The following FBXL7 variants were observed in gnomAD, a reference collection of about 807,000 sequenced individuals.
The protein encoded by FBXL7 is F-box and leucine rich repeat protein 7.
In FBXL7, 12 loss-of-function variants were observed where a neutral mutation model predicts 38.3. The ratio of observed to expected loss-of-function variants is 0.31; its 90% CI spans 0.20 to 0.51. The LOEUF (loss-of-function observed/expected upper bound fraction) is 0.51, where lower values mean the gene tolerates loss of function less well. Ranked by LOEUF, FBXL7 falls within the 20% of genes least tolerant of loss-of-function variation. The pLI is 0.98. For missense variants in FBXL7, 567 were observed against 676.4 expected, an observed-to-expected ratio of 0.84 and a Z score of 1.79; for synonymous variants, 297 against 300.9, an observed-to-expected ratio of 0.99 and a Z score of 0.13.
At chr5:15,877,288 C>T (rs921518978) in intron 2 of FBXL7, among the ~76,000 whole-genome samples, 11 of 152,156 alleles carry the variant, frequency 7.2e-5, no homozygotes, top group African/African-American at 2.4e-4. Context: ...ATGAATGAGC[C>T]TATTTGAGAA....
chr5:15,740,092 G>A (rs542608365), intron 2 of FBXL7, among the ~76,000 whole-genome samples: 1 of 152,276 alleles, frequency 6.6e-6, no homozygotes, highest in African/African-American at 2.4e-5. Flanking sequence ...TGGGTGTAAA[G>A]TGGTATCTCA....
At chr5:15,920,499 A>C (rs1741711220) in intron 2 of FBXL7, among the ~76,000 whole-genome samples, 1 of 151,732 alleles carries the variant, frequency 6.6e-6, no homozygotes, top group Admixed American at 6.6e-5. Context: ...TGCAGACATC[A>C]ATGTGGGTTT....
intron 1 of FBXL7, among the ~76,000 whole-genome samples, chr5:15,534,623 C>A (rs1183470531): frequency 6.6e-6 from 1 of 152,160 alleles, no homozygotes; most frequent in African/African-American, 2.4e-5. Context: ...GTTATAAAAT[C>A]TGTGTGCAGA....
intron 2 of FBXL7, among the ~76,000 whole-genome samples, chr5:15,793,915 T>G (rs1737345359): frequency 6.6e-6 from 1 of 152,208 alleles, no homozygotes; most frequent in Admixed American, 6.5e-5. Context: ...TTTAAATCCC[T>G]AGCCATGTGC....
chr5:15,777,746 AG>A lies in FBXL7; in HGVS notation c.128-150143del, dbSNP rs1242382232. On this transcript the variant is annotated intron_variant, in intron 2 of 3. Transcript: ENST00000504595. ...AAAAAAAAAAAAAAAAAAAAAAAAAAGTAAATTCCAGTTCCAAGGTTGAATA... is the reference window on the plus strand; with the variant it reads ...AAAAAAAAAAAAAAAAAAAAAAAAAATAAATTCCAGTTCCAAGGTTGAATA... Among the ~76,000 whole-genome samples, 5 of 144,268 alleles carry A rather than the reference AG, an allele frequency of 3.5e-5. No homozygotes were observed. The East Asian group carries it at 6.0e-4, about 17-fold the overall frequency. The allele number at this position is 144,268 out of a possible 152,430, so 94.6% of individuals were successfully genotyped here.
intron 2 of FBXL7, among the ~76,000 whole-genome samples, chr5:15,676,912 A>T (rs1742673747): frequency 6.6e-6 from 1 of 152,210 alleles, no homozygotes; most frequent in Non-Finnish European, 1.5e-5. Flanking sequence ...TCTCCAGTCA[A>T]ACACTCCATA....
chr5:15,717,707 C>T (rs979427640), intron 2 of FBXL7, among the ~76,000 whole-genome samples: 2 of 152,086 alleles, frequency 1.3e-5, no homozygotes, highest in Admixed American at 6.5e-5. Flanking sequence ...GCCAAAGATA[C>T]ATAATCTGAA....
At chr5:15,539,042 TA>T (rs1737664766) in intron 1 of FBXL7, among the ~76,000 whole-genome samples, 1 of 152,206 alleles carries the variant, frequency 6.6e-6, no homozygotes, top group Non-Finnish European at 1.5e-5. Context: ...CTTACAGAAC[TA>T]AAATGATTTG....
intron 2 of FBXL7, among the ~76,000 whole-genome samples, chr5:15,865,295 G>A (rs1245059493): frequency 3.3e-5 from 5 of 152,164 alleles, no homozygotes; most frequent in Non-Finnish European, 7.3e-5. Context: ...AAGGTTGCAA[G>A]GAGGTTGAAT....
chr5:15,531,467 A>G (rs1324612892), intron 1 of FBXL7, among the ~76,000 whole-genome samples: 2 of 152,208 alleles, frequency 1.3e-5, no homozygotes, highest in African/African-American at 4.8e-5. Context: ...TTTAATGTCA[A>G]AGTTTGCTAA....
At chr5:15,556,015 ATCATCT>A (rs1738225011) in intron 1 of FBXL7, among the ~76,000 whole-genome samples, 1 of 147,574 alleles carries the variant, frequency 6.8e-6, no homozygotes, top group Admixed American at 6.8e-5. Context: ...CTATCTATCT[ATCATCT>A]ATCAGTCTAT....
intron 2 of FBXL7, among the ~76,000 whole-genome samples, chr5:15,888,742 C>G (rs1740784772): frequency 1.3e-5 from 2 of 152,108 alleles, no homozygotes; most frequent in East Asian, 1.9e-4. Flanking sequence ...TTTCCCTCTA[C>G]TTTACAAAAA....
At chr5:15,929,772 T>C (rs1335733675) in intron 3 of FBXL7, among the ~76,000 whole-genome samples, 1 of 152,114 alleles carries the variant, frequency 6.6e-6, no homozygotes, top group Non-Finnish European at 1.5e-5. Context: ...CCCTTCCTTA[T>C]CTCATTTGCT....
intron 2 of FBXL7, among the ~76,000 whole-genome samples, chr5:15,652,941 T>G (rs988011550): frequency 6.6e-6 from 1 of 152,252 alleles, no homozygotes; most frequent in South Asian, 2.1e-4. Context: ...TTTATCCTGA[T>G]GTGATTATTA....
At chr5:15,804,011 G>A (rs778431655) in intron 2 of FBXL7, among the ~76,000 whole-genome samples, 19 of 152,086 alleles carry the variant, frequency 1.2e-4, no homozygotes, top group South Asian at 6.2e-4. Flanking sequence ...GCCTGAGCCC[G>A]ACATCACAGG....
chr5:15,687,826 A>G (rs1579378670), intron 2 of FBXL7, among the ~76,000 whole-genome samples: 1 of 152,332 alleles, frequency 6.6e-6, no homozygotes, highest in African/African-American at 2.4e-5. Context: ...TTTTTTGCAC[A>G]GACTGAATAT....
At chr5:15,872,542 A>G (rs1740011855) in intron 2 of FBXL7, among the ~76,000 whole-genome samples, 1 of 152,246 alleles carries the variant, frequency 6.6e-6, no homozygotes, top group African/African-American at 2.4e-5. Flanking sequence ...GACCCATCTC[A>G]TGTGCAAAGA....
At chr5:15,619,702 ATATAT>A (rs1366569513) in intron 2 of FBXL7, among the ~76,000 whole-genome samples, 11 of 152,228 alleles carry the variant, frequency 7.2e-5, no homozygotes, top group African/African-American at 2.4e-4. Context: ...TTAAAATGAC[ATATAT>A]TGTAAAGGAT....
rs541863284 is a variant in FBXL7, at chr5:15,830,815, G to A, written c.128-97075G>A. On this transcript the variant is annotated intron_variant, in intron 2 of 3. Transcript: ENST00000504595. ...GGGAGAGAAGATGGTGGAGGGGAGT[G>A]GGGATGCCAGGGCAGCACCCAGTCC... 2.1e-4 allele frequency among the ~76,000 whole-genome samples: 32 copies of A among 152,258 alleles called. No homozygotes were observed. In the South Asian group the frequency reaches 6.6e-3, roughly 32 times the overall value.
Sources: gnomAD v4.1 joint callset for allele counts (sites outside exome capture counted in the v4.1 genomes callset) on GRCh38, gnomAD v4.1.1 for gene constraint, MANE v1.5 for transcripts, NCBI Gene and HGNC (gene_info 2026-07-23, HGNC 2026-07-21) for gene names.